Variants in REC8 observed in about 807,000 individuals in gnomAD.
REC8 encodes the protein meiotic recombination protein REC8 homolog.
In REC8, 42 loss-of-function variants were observed where a neutral mutation model predicts 78.3. The observed-to-expected ratio is 0.54, with a 90% CI of 0.42 to 0.69. REC8 has a LOEUF of 0.69. Ranked by LOEUF, REC8 falls within the 30% of genes least tolerant of loss-of-function variation. The pLI is 0.00. For missense variants in REC8, 581 were observed against 715.8 expected, an observed-to-expected ratio of 0.81 and a Z score of 2.15; for synonymous variants, 268 against 274.1, an observed-to-expected ratio of 0.98 and a Z score of 0.22.
At chr14:24,175,442 TA>T in intron 5 of REC8, 100 bp from the exon 6 acceptor site, 2 of 904,452 alleles carry the variant, frequency 2.2e-6, no homozygotes, top group Middle Eastern at 4.3e-4. Flanking sequence ...GAATTAGGCA[TA>T]AAAGGAGATT....
intron 17 of REC8, 34 bp downstream of exon 17, chr14:24,179,760 C>A (rs757527270): frequency 3.1e-6 from 5 of 1,614,012 alleles, no homozygotes; most frequent in East Asian, 4.5e-5. Flanking sequence ...TGGGGTGGAC[C>A]CGGGCTGAAG....
At chr14:24,180,339 A>G (rs1038080102), downstream of REC8, 1 of 1,508,730 alleles carries the variant, frequency 6.6e-7, no homozygotes, top group Non-Finnish European at 8.9e-7. Flanking sequence ...CCAAATGGGT[A>G]TGAGTCTCAG....
In REC8 at chr14:24,177,119, C is replaced by T. The variant is rs758730778; in HGVS notation, c.625-22C>T. 5 of 1,610,058 alleles carry T rather than the reference C, an allele frequency of 3.1e-6. No individual in the cohort carries two copies. The African/African-American group carries it at 6.7e-5, about 22-fold the overall frequency. On this transcript the variant is annotated intron_variant, in intron 7 of 18. Transcript: ENST00000611366. ...CAGAAATATTATTGAATCCCCTCCCCTTGCTCTTCCTCTCTGGACAGGGTG... is the reference window on the plus strand; with the variant it reads ...CAGAAATATTATTGAATCCCCTCCCTTTGCTCTTCCTCTCTGGACAGGGTG...
intron 5 of REC8, among the ~76,000 whole-genome samples, chr14:24,174,350 T>A (rs1347763136): frequency 6.6e-6 from 1 of 152,086 alleles, no homozygotes; most frequent in Non-Finnish European, 1.5e-5. Flanking sequence ...TGATCTTGGC[T>A]CACTTCAACC....
In REC8 at chr14:24,179,705, T is replaced by C. The variant is rs927307846; in HGVS notation, c.1430T>C (p.Leu477Pro). ...PLVLPPELEL[L>P]SLEAVHRAVA... Reference sequence around the variant, plus strand: ...GTGCTGCCCCCAGAGCTCGAGCTGCTCTCACTGGAAGCAGTGCACAGGTAC... The same window carrying C: ...GTGCTGCCCCCAGAGCTCGAGCTGCCCTCACTGGAAGCAGTGCACAGGTAC... The change falls in exon 17 of 19, where the codon CTC becomes CCC. Residue 477 changes from leucine to proline, a missense_variant. Leu to Pro is a moderately conservative substitution (Grantham distance 98). Coordinates refer to ENST00000611366, the MANE Select transcript of REC8 (RefSeq NM_001048205.2). 1.2e-6 allele frequency: 2 copies of C among 1,614,206 alleles called. No homozygotes were observed. Among genetic ancestry groups the C allele is most frequent in the African/African-American group, 1.3e-5 (1 of 75,040 alleles).
At chr14:24,177,818 G>A in intron 11 of REC8, 60 bp downstream of exon 11, 1 of 1,503,944 alleles carries the variant, frequency 6.6e-7, no homozygotes, top group Non-Finnish European at 8.9e-7. Context: ...CACAAGGACT[G>A]CCTCCCCAAG....
At chr14:24,178,266 G>A in intron 12 of REC8, 44 bp downstream of exon 12, 2 of 1,558,798 alleles carry the variant, frequency 1.3e-6, no homozygotes, top group Non-Finnish European at 8.8e-7. Flanking sequence ...GGGAGGCAGG[G>A]ATGACCAGGG....
intron 6 of REC8, 101 bp downstream of exon 6, chr14:24,175,725 G>T: frequency 1.2e-6 from 1 of 800,314 alleles, no homozygotes; most frequent in Non-Finnish European, 2.0e-6. Context: ...TGTGAGGGGC[G>T]CTTTTTTTTT....
chr14:24,172,989 A>C lies in REC8; in HGVS notation c.216A>C (p.Gln72His), dbSNP rs1482875122. The change falls in exon 3 of 19, where the codon CAA (glutamine) becomes CAC (histidine). Residue 72 changes from glutamine to histidine, a missense_variant. By Grantham distance (24) the Gln-to-His change is conservative. Transcript: ENST00000611366. ...RPRFSLYLSA[Q>H]LQIGVIRVYS... ...GCTTCTCCCTCTATCTCTCAGCCCA[A>C]CTTCAGATCGGTGTGATCCGCGTCT... 3.7e-6 allele frequency: 6 copies of C among 1,609,004 alleles called. No homozygotes were observed. The highest frequency in any genetic ancestry group is 3.4e-6 in the Non-Finnish European group (4 of 1,180,004).
At chr14:24,179,055 G>T in intron 14 of REC8, 30 bp from the exon 15 acceptor site, 1 of 1,609,280 alleles carries the variant, frequency 6.2e-7, no homozygotes, top group East Asian at 2.2e-5. Context: ...CAGATGCTTG[G>T]GGTCTTAGTT....
Position 24,173,379 on chromosome 14 carries a change from C to T in REC8, c.430C>T (p.Pro144Ser), listed in dbSNP as rs1271530799. Residue 144 changes from proline (P) to serine (S), a missense_variant, in exon 5 of 19, where the codon CCC (proline) becomes TCC (serine). Coordinates refer to ENST00000611366, the MANE Select transcript of REC8 (RefSeq NM_001048205.2). The part of the protein sequence containing the change: ...DPFFGMMSVD[P>S]RLPSPFDIPQ... Reference sequence around the variant, plus strand: ...CTTTTTTGGGATGATGTCTGTGGATCCCAGACTTCCTAGTCCTTTCGATAT... The same window carrying T: ...CTTTTTTGGGATGATGTCTGTGGATTCCAGACTTCCTAGTCCTTTCGATAT... 6.2e-7 allele frequency: 1 copy of T among 1,613,986 alleles called. No individual in the cohort carries two copies. The highest frequency in any genetic ancestry group is 8.5e-7 in the Non-Finnish European group (1 of 1,180,006).
Position 24,179,799 on chromosome 14 carries a change from G to A in REC8, c.1452-1G>A. ...CTGCTAATGGTTCTTGATCCCTATA[G>A]GGCAGTGGCACTGGAGCTGCAGGCT... is the stretch of plus-strand genomic sequence containing the variant. On this transcript the variant is annotated splice_acceptor_variant, in intron 17 of 18. Transcript: ENST00000611366. LOFTEE classifies it high-confidence loss of function. The A allele has an allele frequency of 6.2e-7, 1 of 1,613,444 alleles. No individual in the cohort carries two copies. The highest frequency in any genetic ancestry group is 8.5e-7 in the Non-Finnish European group (1 of 1,179,620).
intron 4 of REC8, 32 bp downstream of exon 4, chr14:24,173,230 C>G: frequency 1.2e-6 from 2 of 1,614,084 alleles, no homozygotes; most frequent in Non-Finnish European, 1.7e-6. Flanking sequence ...GATGGAACAC[C>G]TGCTAGCTTG....
chr14:24,180,262 G>T, downstream of REC8: 1 of 1,545,808 alleles, frequency 6.5e-7, no homozygotes, highest in Non-Finnish European at 8.8e-7. Flanking sequence ...ACAGTATGAT[G>T]TCATGACTCA....
rs765031853 is a variant in REC8, at chr14:24,180,202, C to T, written c.*107C>T. On this transcript the variant is annotated 3_prime_UTR_variant, in exon 19 of 19. Transcript: ENST00000611366. Reference sequence around the variant, plus strand: ...TCATTTCTGAATGTGCATTTCCAGCCTTCTTGCTCTCAGAGCTATTGTTCA... The same window carrying T: ...TCATTTCTGAATGTGCATTTCCAGCTTTCTTGCTCTCAGAGCTATTGTTCA... 1.2e-6 allele frequency: 2 copies of T among 1,607,710 alleles called. No homozygotes were observed. Among genetic ancestry groups the T allele is most frequent in the African/African-American group, 1.3e-5 (1 of 74,914 alleles).
chr14:24,177,945 G>A (rs1373307962), intron 11 of REC8, 146 bp from the exon 12 acceptor site: 1 of 1,508,336 alleles, frequency 6.6e-7, no homozygotes, highest in Admixed American at 2.3e-5. Flanking sequence ...TGCAAGGTAT[G>A]AGCTGCTCAA....
chr14:24,178,078 C>T lies in REC8; in HGVS notation c.865-13C>T, dbSNP rs748475235. 1.9e-6 allele frequency: 3 copies of T among 1,610,356 alleles called. No individual in the cohort carries two copies. The highest frequency in any genetic ancestry group is 3.4e-5 in the Admixed American group (2 of 59,636). ...GGGCAGCCTTGCCCCTACCTGCCCTCCCCACTCAACAGAGGAGGCCCCCAG... is the reference window on the plus strand; with the variant it reads ...GGGCAGCCTTGCCCCTACCTGCCCTTCCCACTCAACAGAGGAGGCCCCCAG... On this transcript the variant is annotated splice_polypyrimidine_tract_variant and intron_variant, in intron 11 of 18. Coordinates refer to ENST00000611366, the MANE Select transcript of REC8 (RefSeq NM_001048205.2).
At chr14:24,177,844 AGCTTACAGGG>A in intron 11 of REC8, 86 bp downstream of exon 11, 1 of 1,487,702 alleles carries the variant, frequency 6.7e-7, no homozygotes, top group Non-Finnish European at 8.9e-7. Flanking sequence ...GGCCACTGCT[AGCTTACAGGG>A]GTCCTTAATG....
Position 24,177,549 on chromosome 14 carries a change from C to T in REC8, c.814+8C>T. ...CTGGGGCCCTACTCATGGGTGAGTG[C>T]CCACCATGCCCCAGGGGCTTTTCTG... On this transcript the variant is annotated splice_region_variant and intron_variant, in intron 10 of 18. Transcript: ENST00000611366. The T allele has an allele frequency of 6.2e-7, 1 of 1,609,864 alleles. No individual in the cohort carries two copies. The highest frequency in any genetic ancestry group is 8.5e-7 in the Non-Finnish European group (1 of 1,177,796).
Sources: allele counts gnomAD v4.1 joint callset (sites outside exome capture counted in the v4.1 genomes callset), GRCh38; gene constraint gnomAD v4.1.1; transcripts MANE v1.5; gene names NCBI Gene and HGNC (gene_info 2026-07-23, HGNC 2026-07-21).